ADK: variants seen among roughly 807,000 people sequenced by gnomAD.
ADK encodes the protein N6,N6-dimethyladenosine kinase.
In ADK, 24 loss-of-function variants were observed where a neutral mutation model predicts 44.7. The observed-to-expected ratio is 0.54, with a 90% CI of 0.39 to 0.76. ADK has a LOEUF of 0.76. Ranked by LOEUF, ADK falls within the 30% of genes least tolerant of loss-of-function variation. The probability of loss-of-function intolerance (pLI) is 0.00; values close to 1 mark genes in which losing one functional copy is unlikely to be tolerated. For synonymous variants in ADK, 128 were observed against 142.6 expected, an observed-to-expected ratio of 0.90 and a Z score of 0.73; for missense variants, 321 against 425.1, an observed-to-expected ratio of 0.76 and a Z score of 2.15.
At chr10:74,216,464 C>CTTTA in intron 2 of ADK, among the ~76,000 whole-genome samples, 2 of 151,984 alleles carry the variant, frequency 1.3e-5, no homozygotes, top group African/African-American at 4.8e-5. Flanking sequence ...GTGGCTCGCA[C>CTTTA]CTGTAATCCT....
chr10:74,622,302 G>A (rs961252869), intron 9 of ADK, among the ~76,000 whole-genome samples: 2 of 152,088 alleles, frequency 1.3e-5, no homozygotes, highest in African/African-American at 2.4e-5. Flanking sequence ...ACAGGAATTT[G>A]CAAATACCCT....
At chr10:74,503,627 T>A (rs1341459557) in intron 6 of ADK, among the ~76,000 whole-genome samples, 3 of 152,190 alleles carry the variant, frequency 2.0e-5, no homozygotes, top group African/African-American at 7.2e-5. Context: ...CCTTAGACAC[T>A]GCATTTTGAG....
At chr10:74,702,337 C>T (rs960006371) in intron 10 of ADK, among the ~76,000 whole-genome samples, 5 of 151,400 alleles carry the variant, frequency 3.3e-5, no homozygotes, top group Non-Finnish European at 7.4e-5. Flanking sequence ...GCACCCGCCA[C>T]CATGCCCAGC....
chr10:74,202,653 A>G (rs1248363981), intron 2 of ADK, among the ~76,000 whole-genome samples: 2 of 152,188 alleles, frequency 1.3e-5, no homozygotes, highest in Non-Finnish European at 2.9e-5. Context: ...TTATAGCCAT[A>G]TGAGTGGGTG....
intron 6 of ADK, among the ~76,000 whole-genome samples, chr10:74,511,469 A>G (rs140656019): frequency 3.9e-5 from 6 of 152,254 alleles, no homozygotes; most frequent in East Asian, 3.9e-4. Flanking sequence ...ATGCACTTCA[A>G]TTTCTTTCAT....
intron 6 of ADK, among the ~76,000 whole-genome samples, chr10:74,511,178 G>A (rs1279874252): frequency 6.6e-6 from 1 of 152,122 alleles, no homozygotes; most frequent in Admixed American, 6.5e-5. Context: ...TGTAGATAAT[G>A]TGGATAAATT....
At chr10:74,381,663 G>T (rs1842979743) in intron 4 of ADK, among the ~76,000 whole-genome samples, 1 of 152,194 alleles carries the variant, frequency 6.6e-6, no homozygotes, top group Admixed American at 6.5e-5. Context: ...TGCTAACTGT[G>T]CATGAAATTG....
At chr10:74,494,357 C>G (rs1027874515) in intron 6 of ADK, among the ~76,000 whole-genome samples, 2 of 152,066 alleles carry the variant, frequency 1.3e-5, no homozygotes, top group African/African-American at 4.8e-5. Flanking sequence ...CTCCAGTTCT[C>G]CAGTAGAGTT....
chr10:74,218,833 C>T (rs1844171040), intron 2 of ADK, among the ~76,000 whole-genome samples: 1 of 152,086 alleles, frequency 6.6e-6, no homozygotes, highest in Non-Finnish European at 1.5e-5. Flanking sequence ...GATTTTGTCA[C>T]CACCAGGCCT....
chr10:74,356,283 G>A (rs1564672986), intron 4 of ADK, among the ~76,000 whole-genome samples: 1 of 151,830 alleles, frequency 6.6e-6, no homozygotes, highest in Admixed American at 6.6e-5. Context: ...CTCCCAAAGT[G>A]CTGGGATTAC....
chr10:74,460,696 T>G (rs1846146295), intron 6 of ADK, among the ~76,000 whole-genome samples: 1 of 152,222 alleles, frequency 6.6e-6, no homozygotes, highest in African/African-American at 2.4e-5. Context: ...GTAGTATATG[T>G]AAGATTGTCC....
chr10:74,670,659 T>A (rs1289723244), intron 10 of ADK, among the ~76,000 whole-genome samples: 1 of 152,194 alleles, frequency 6.6e-6, no homozygotes, highest in Non-Finnish European at 1.5e-5. Flanking sequence ...TAACTAAGGA[T>A]GATGTCTTTT....
At chr10:74,488,448 G>A (rs905077729) in intron 6 of ADK, among the ~76,000 whole-genome samples, 2 of 149,950 alleles carry the variant, frequency 1.3e-5, no homozygotes, top group African/African-American at 2.5e-5. Context: ...AAATAGCATA[G>A]GAGTGTTCAT....
chr10:74,360,480 G>A (rs1842298420), intron 4 of ADK, among the ~76,000 whole-genome samples: 1 of 152,078 alleles, frequency 6.6e-6, no homozygotes, highest in Non-Finnish European at 1.5e-5. Context: ...GCCGAAAGTA[G>A]GAAATTGAAA....
At position 74,254,799 on chromosome 10, in the gene ADK, C is replaced by G. The variant is rs139064437; in HGVS notation, c.194+30208C>G. ...CCTAAATCTGTTTTAGTTGCACAGA[C>G]ACAATGGACAAATAGTCATTTTGTA... On this transcript the variant is annotated intron_variant, in intron 3 of 10. Coordinates refer to ENST00000539909, the MANE Select transcript of ADK (RefSeq NM_006721.4). Among the ~76,000 whole-genome samples the G allele has an allele frequency of 7.2e-5, 11 of 152,280 alleles. No individual in the cohort carries two copies. The East Asian group carries it at 2.1e-3, about 29-fold the overall frequency.
Position 74,708,417 on chromosome 10 carries a change from C to G in ADK, c.1061C>G (p.Thr354Ser), listed in dbSNP as rs1392533718. 6 of 1,612,366 alleles carry G rather than the reference C, an allele frequency of 3.7e-6. No homozygotes were observed. The South Asian group carries it at 6.6e-5, about 18-fold the overall frequency. The change falls in exon 11 of 11, where the codon ACC becomes AGC. Residue 354 changes from threonine to serine, a missense_variant. By Grantham distance (58) the Thr-to-Ser change is moderately conservative. Transcript: ENST00000539909. ...ASIIIRRTGCTFPEKPDFH is the reference protein window; with the variant it reads ...ASIIIRRTGCSFPEKPDFH ...ATCATAATTAGACGGACTGGCTGCA[C>G]CTTTCCTGAGAAGCCAGACTTCCAC...
chr10:74,570,918 A>G (rs1850930100), intron 7 of ADK, among the ~76,000 whole-genome samples: 1 of 152,110 alleles, frequency 6.6e-6, no homozygotes, highest in South Asian at 2.1e-4. Context: ...GATACTGGCT[A>G]TGGGTTTGTC....
chr10:74,346,531 A>C (rs1199987517), intron 4 of ADK, among the ~76,000 whole-genome samples: 1 of 152,224 alleles, frequency 6.6e-6, no homozygotes, highest in Non-Finnish European at 1.5e-5. Flanking sequence ...CAACACTAGA[A>C]TCAATTAAAT....
chr10:74,558,750 G>A (rs1380380991), intron 7 of ADK, among the ~76,000 whole-genome samples: 1 of 152,170 alleles, frequency 6.6e-6, no homozygotes, highest in Non-Finnish European at 1.5e-5. Flanking sequence ...GTGGGGATGG[G>A]CCATGAGCCA....
Sources: allele counts gnomAD v4.1 joint callset (sites outside exome capture counted in the v4.1 genomes callset), GRCh38; gene constraint gnomAD v4.1.1; transcripts MANE v1.5; gene names NCBI Gene and HGNC (gene_info 2026-07-23, HGNC 2026-07-21).